Variants in ADAM2 observed in about 807,000 individuals in gnomAD.
ADAM2 encodes the protein disintegrin and metalloproteinase domain-containing protein 2.
A neutral mutation model predicts 99.3 loss-of-function variants in ADAM2; 101 were observed. That is an observed-to-expected ratio of 1.02 (90% CI 0.87 to 1.20). The LOEUF is 1.20. ADAM2 is among the 50% of genes most tolerant of loss of function. The pLI, the probability that ADAM2 is intolerant of heterozygous loss-of-function variation, is 0.00. For synonymous variants in ADAM2, 323 were observed against 287.6 expected (o/e 1.12, Z -1.25); for missense variants, 948 against 878.7 (o/e 1.08, Z -1.00).
chr8:39,746,574 A>G lies in ADAM2; in HGVS notation c.2072T>C (p.Leu691Ser), dbSNP rs1823473620. Residue 691 changes from leucine to serine, a missense_variant, in exon 19 of 21, where the codon TTA becomes TCA. Leu to Ser is a moderately radical substitution (Grantham distance 145). Transcript: ENST00000265708. Reference protein sequence around the residue: ...HSKPMRWPFFLFIPFFIIFCV... With the variant: ...HSKPMRWPFFSFIPFFIIFCV... ...GAAAATAATAAAGAAAGGAATGAAT[A>G]AGAAAAATGGCCATCTCATTGGTTT... is the stretch of plus-strand genomic sequence containing the variant. 6.2e-7 allele frequency: 1 copy of G among 1,607,926 alleles called. No homozygotes were observed. Among genetic ancestry groups the G allele is most frequent in the South Asian group, 1.1e-5 (1 of 89,846 alleles).
intron 6 of ADAM2, among the ~76,000 whole-genome samples, chr8:39,819,547 A>C (rs1805092625): frequency 6.6e-6 from 1 of 152,126 alleles, no homozygotes; most frequent in East Asian, 1.9e-4. Context: ...AGACAAAATT[A>C]ACATTTAAGT....
intron 18 of ADAM2, among the ~76,000 whole-genome samples, chr8:39,747,701 C>A (rs1823531821): frequency 6.6e-6 from 1 of 152,112 alleles, no homozygotes; most frequent in Non-Finnish European, 1.5e-5. Context: ...GGACCAATGT[C>A]CTAGAGTGCC....
In ADAM2 at chr8:39,788,227, T is replaced by C. The variant is rs1246849873; in HGVS notation, c.667A>G (p.Ile223Val). The part of the protein sequence containing the change: ...NAIFVSFNIT[I>V]ILSSLELWID... ...CAAAGCTCCAATGAAGACAGAATAA[T>C]TGTAATATTAAATGAAACAAAAATC... is the stretch of plus-strand genomic sequence containing the variant. Residue 223 changes from isoleucine to valine, a missense_variant, in exon 9 of 21, where the codon ATT becomes GTT. Ile to Val is a conservative substitution (Grantham distance 29). Transcript: ENST00000265708. 2.6e-6 allele frequency: 4 copies of C among 1,534,496 alleles called. No individual in the cohort carries two copies. Among genetic ancestry groups the C allele is most frequent in the Non-Finnish European group, 3.5e-6 (4 of 1,137,922 alleles).
At chr8:39,744,438 A>G (rs1363404277) in intron 20 of ADAM2, among the ~76,000 whole-genome samples, 1 of 150,436 alleles carries the variant, frequency 6.6e-6, no homozygotes, top group African/African-American at 2.5e-5. Context: ...CCTCCCCCCA[A>G]CCCCCCCATC....
At chr8:39,780,658 T>A (rs952689518) in intron 10 of ADAM2, among the ~76,000 whole-genome samples, 5 of 152,202 alleles carry the variant, frequency 3.3e-5, no homozygotes, top group African/African-American at 9.6e-5. Flanking sequence ...TCAGTAGATT[T>A]TTAGAATATA....
intron 7 of ADAM2, among the ~76,000 whole-genome samples, chr8:39,793,129 T>C (rs1234679866): frequency 2.0e-5 from 3 of 152,136 alleles, no homozygotes; most frequent in Non-Finnish European, 2.9e-5. Flanking sequence ...CTTGCATTTA[T>C]GTTTGAGATT....
chr8:39,813,424 A>G (rs556810947), intron 6 of ADAM2, among the ~76,000 whole-genome samples: 2 of 152,364 alleles, frequency 1.3e-5, no homozygotes, highest in South Asian at 4.1e-4. Flanking sequence ...TACTGGGTAT[A>G]TACCCAAAGG....
At position 39,767,248 on chromosome 8, in the gene ADAM2, A is replaced by T. The variant is rs917246257; in HGVS notation, c.1216T>A (p.Cys406Ser). The stretch of plus-strand genomic sequence containing the variant: ...CAGCATGTTTCTCCAATAAGGGCAC[A>T]ATCCTGTAAGGCAAATCAAATGCTC... Reference protein sequence around the residue: ...EECDCGTEQDCALIGETCCDI... With the variant: ...EECDCGTEQDSALIGETCCDI... The change falls in exon 13 of 21, where the codon TGT (cysteine) becomes AGT (serine). Residue 406 changes from cysteine to serine, a missense_variant. Physicochemically the swap from Cys to Ser is moderately radical, Grantham distance 112 (BLOSUM62 -1). Coordinates refer to ENST00000265708, the MANE Select transcript of ADAM2 (RefSeq NM_001464.5). 2 of 1,603,662 alleles carry T rather than the reference A, an allele frequency of 1.2e-6. No individual in the cohort carries two copies. Among genetic ancestry groups the T allele is most frequent in the Non-Finnish European group, 1.7e-6 (2 of 1,176,280 alleles).
intron 3 of ADAM2, among the ~76,000 whole-genome samples, chr8:39,826,738 A>G (rs1216323850): frequency 1.3e-5 from 2 of 151,952 alleles, no homozygotes; most frequent in African/African-American, 2.4e-5. Flanking sequence ...AAAAACCAAA[A>G]AAAACTCAAA....
chr8:39,808,930 T>TAAATAC (rs1297438129), intron 7 of ADAM2, among the ~76,000 whole-genome samples: 1 of 151,850 alleles, frequency 6.6e-6, no homozygotes, highest in African/African-American at 2.4e-5. Flanking sequence ...AATAAATAAA[T>TAAATAC]AAATACATAA....
chr8:39,748,580 G>A (rs1240093951), intron 18 of ADAM2, among the ~76,000 whole-genome samples: 3 of 151,984 alleles, frequency 2.0e-5, no homozygotes, highest in African/African-American at 4.8e-5. Flanking sequence ...AAAATCTCCT[G>A]GTCCTAAGTA....
In ADAM2 at chr8:39,766,988, T is replaced by C. The variant is rs561641317; in HGVS notation, c.1367A>G (p.Glu456Gly). The C allele has an allele frequency of 1.2e-6, 2 of 1,614,190 alleles. No homozygotes were observed. Among genetic ancestry groups the C allele is most frequent in the East Asian group, 4.5e-5 (2 of 44,876 alleles). ...RPSFEECDLP[E>G]YCNGSSASCP... The stretch of plus-strand genomic sequence containing the variant: ...TGATGCAGATGATCCATTGCAATAT[T>C]CAGGGAGGTCGCATTCTTCAAAGGA... The change falls in exon 14 of 21, where the codon GAA becomes GGA. Residue 456 changes from glutamate to glycine, a missense_variant. Transcript: ENST00000265708.
intron 11 of ADAM2, among the ~76,000 whole-genome samples, chr8:39,771,563 A>G (rs1012234605): frequency 1.3e-5 from 2 of 152,170 alleles, no homozygotes; most frequent in African/African-American, 2.4e-5. Context: ...TAGGAATGTG[A>G]TGAGTTTTAA....
Position 39,769,395 on chromosome 8 carries a change from T to C in ADAM2, c.1209A>G (p.Glu403=), listed in dbSNP as rs570332330. 1 of 1,612,870 alleles carries C rather than the reference T, an allele frequency of 6.2e-7. No homozygotes were observed. The highest frequency in any genetic ancestry group is 1.7e-5 in the Admixed American group (1 of 59,898). Residue 403 remains glutamate (E), a synonymous_variant, in exon 12 of 21, where the codon GAA becomes GAG. Transcript: ENST00000265708. ...AGTCTTCCGAATTAGTACCAACCTG[T>C]TCAGTCCCACAGTCACACTCCTCTC... The part of the protein sequence containing the change: ...EAGEECDCGT[E]QDCALIGETC...
intron 10 of ADAM2, 78 bp downstream of exon 10, chr8:39,786,896 A>G: frequency 9.3e-7 from 1 of 1,072,946 alleles, no homozygotes; most frequent in East Asian, 2.8e-5. Flanking sequence ...ATTTTAATAC[A>G]CATAAAAATT....
chr8:39,782,949 T>C (rs551633663), intron 10 of ADAM2, among the ~76,000 whole-genome samples: 1 of 152,272 alleles, frequency 6.6e-6, no homozygotes, highest in Non-Finnish European at 1.5e-5. Context: ...TTTTTGGAGA[T>C]GGAGTTAGAT....
At chr8:39,809,828 A>T (rs1473884662) in intron 6 of ADAM2, among the ~76,000 whole-genome samples, 5 of 152,206 alleles carry the variant, frequency 3.3e-5, no homozygotes, top group Admixed American at 3.3e-4. Context: ...CTGCAAAAAC[A>T]TGCCAAATTG....
chr8:39,811,919 T>C (rs1181661935), intron 6 of ADAM2, among the ~76,000 whole-genome samples: 1 of 152,234 alleles, frequency 6.6e-6, no homozygotes, highest in African/African-American at 2.4e-5. Context: ...TGTTGGAAGT[T>C]CTGGCCAGGG....
chr8:39,755,725 T>C lies in ADAM2; in HGVS notation c.1797+3A>G. ...AATTATTTGGGAATAAAAGACTACC[T>C]ACCTTATTTGAACCACAAGAAGTTC... is the stretch of plus-strand genomic sequence containing the variant. On this transcript the variant is annotated splice_donor_region_variant and intron_variant, in intron 16 of 20. Transcript: ENST00000265708. 6.2e-7 allele frequency: 1 copy of C among 1,607,322 alleles called. No homozygotes were observed. Among genetic ancestry groups the C allele is most frequent in the Non-Finnish European group, 8.5e-7 (1 of 1,176,342 alleles).
Sources: allele counts gnomAD v4.1 joint callset (sites outside exome capture counted in the v4.1 genomes callset), GRCh38; gene constraint gnomAD v4.1.1; transcripts MANE v1.5; gene names NCBI Gene and HGNC (gene_info 2026-07-23, HGNC 2026-07-21).